RPL26L1: variants seen among roughly 807,000 people sequenced by gnomAD.
RPL26L1 encodes the protein ribosomal protein uL24-like.
A neutral mutation model predicts 15.2 loss-of-function variants in RPL26L1; 8 were observed. That is an observed-to-expected ratio of 0.53 (90% confidence interval 0.31 to 0.95). The LOEUF (loss-of-function observed/expected upper bound fraction) is 0.95, where lower values mean the gene tolerates loss of function less well. Among genes scored for constraint, RPL26L1 ranks in the 40% least tolerant of loss-of-function variants. The pLI is 0.05. For synonymous variants in RPL26L1, 51 were observed against 65.9 expected, an observed-to-expected ratio of 0.77 and a Z score of 1.09; for missense variants, 146 against 190.9, an observed-to-expected ratio of 0.76 and a Z score of 1.39.
At chr5:172,959,300 C>T (rs1755120241), upstream of RPL26L1, 1 of 930,974 alleles carries the variant, frequency 1.1e-6, no homozygotes, top group Non-Finnish European at 1.3e-6. Context: ...TGGCATCGCC[C>T]TCCCGGGGCC....
At chr5:172,959,731 TC>T in intron 1 of RPL26L1, 133 bp from the exon 2 acceptor site, 1 of 1,165,076 alleles carries the variant, frequency 8.6e-7, no homozygotes, top group East Asian at 2.4e-5. Flanking sequence ...CTCTCTGTCC[TC>T]CCTCAGTTGC....
chr5:172,954,495 G>C (rs958877674), upstream of RPL26L1, among the ~76,000 whole-genome samples: 4 of 151,396 alleles, frequency 2.6e-5, no homozygotes, highest in Non-Finnish European at 4.4e-5. Flanking sequence ...GGGGGGAAGT[G>C]GGGGGAGTGG....
At chr5:172,958,602 T>G, upstream of RPL26L1, 1 of 351,210 alleles carries the variant, frequency 2.8e-6, no homozygotes. Context: ...GGGGGCGTGG[T>G]TGATCTCCCT....
At chr5:172,959,829 G>GCGCCCCTTCATTCCGTCT (rs1755150250) in intron 1 of RPL26L1, 36 bp from the exon 2 acceptor site, 1 of 1,607,066 alleles carries the variant, frequency 6.2e-7, no homozygotes, top group Non-Finnish European at 8.5e-7. Flanking sequence ...AACCCACTGA[G>GCGCCCCTTCATTCCGTCT]CGCCCCTTCA....
At chr5:172,964,184 A>G (rs1329232778) in intron 2 of RPL26L1, among the ~76,000 whole-genome samples, 1 of 151,804 alleles carries the variant, frequency 6.6e-6, no homozygotes, top group East Asian at 1.9e-4. Flanking sequence ...TTTGCTGCCC[A>G]GGCTGGTCTC....
chr5:172,968,107 C>T (rs914696462), intron 2 of RPL26L1, among the ~76,000 whole-genome samples: 1 of 151,986 alleles, frequency 6.6e-6, no homozygotes, highest in African/African-American at 2.4e-5. Flanking sequence ...ATTCCAAAAT[C>T]CCAAAAACCC....
intron 3 of RPL26L1, 109 bp from the exon 4 acceptor site, chr5:172,969,294 CCAGAGTTTCA>C: frequency 9.7e-7 from 1 of 1,029,162 alleles, no homozygotes; most frequent in Non-Finnish European, 1.4e-6. Context: ...TGTTTTCCTT[CCAGAGTTTCA>C]GTTCCTTAAA....
chr5:172,955,003 C>T (rs1300315193), upstream of RPL26L1: 8 of 455,866 alleles, frequency 1.8e-5, no homozygotes, highest in Non-Finnish European at 3.5e-5. Flanking sequence ...AGACGTGCTT[C>T]GTGAGGAGAG....
chr5:172,958,255 ACT>A (rs2113516815), upstream of RPL26L1: 2 of 377,294 alleles, frequency 5.3e-6, no homozygotes, highest in Middle Eastern at 4.1e-4. Context: ...CAAGAGCGAA[ACT>A]CTATCTCAAA....
At chr5:172,954,585 GAA>G (rs1231036998), upstream of RPL26L1, among the ~76,000 whole-genome samples, 12 of 151,964 alleles carry the variant, frequency 7.9e-5, no homozygotes, top group East Asian at 5.8e-4. Flanking sequence ...AAAAAAGAGA[GAA>G]AGAGAGAGGG....
chr5:172,958,796 C>A (rs1033364045), upstream of RPL26L1: 11 of 182,302 alleles, frequency 6.0e-5, no homozygotes, highest in Non-Finnish European at 1.3e-4. Context: ...GCCAAGAGGG[C>A]CACAGGTGGG....
At chr5:172,967,835 CATAT>C (rs3860766) in intron 2 of RPL26L1, among the ~76,000 whole-genome samples, 2,281 of 151,116 alleles carry the variant, frequency 0.015, 27 homozygotes, top group South Asian at 0.038. Flanking sequence ...GTATGTATGA[CATAT>C]ATGTATGTTA....
intron 1 of RPL26L1, 107 bp downstream of exon 1, chr5:172,959,575 C>T: frequency 8.3e-7 from 1 of 1,200,114 alleles, no homozygotes; most frequent in South Asian, 1.7e-5. Flanking sequence ...CTTTGAGTGA[C>T]CTCCCGACCA....
At chr5:172,958,785 G>A (rs369860360), upstream of RPL26L1, 7 of 230,560 alleles carry the variant, frequency 3.0e-5, no homozygotes, top group East Asian at 1.9e-4. Flanking sequence ...CGGGCAGAAG[G>A]GCCAAGAGGG....
intron 2 of RPL26L1, among the ~76,000 whole-genome samples, chr5:172,963,686 C>A (rs1459917144): frequency 1.3e-5 from 2 of 152,168 alleles, no homozygotes; most frequent in African/African-American, 4.8e-5. Flanking sequence ...TTTATTTTTT[C>A]TTCGTAGCAG....
At chr5:172,958,572 G>T (rs1755076229), upstream of RPL26L1, 6 of 364,088 alleles carry the variant, frequency 1.6e-5, no homozygotes, top group South Asian at 1.2e-4. Flanking sequence ...TTCCTTCCCT[G>T]CCGCCACGGT....
intron 1 of RPL26L1, 79 bp downstream of exon 1, chr5:172,959,547 A>C (rs1424228287): frequency 8.8e-7 from 1 of 1,139,220 alleles, no homozygotes; most frequent in African/African-American, 1.6e-5. Flanking sequence ...GCGGGAACAC[A>C]TGTCACCCCA....
At chr5:172,966,313 A>ATTTTT (rs386405707) in intron 2 of RPL26L1, among the ~76,000 whole-genome samples, 708 of 63,658 alleles carry the variant, frequency 0.011, 72 homozygotes, top group East Asian at 0.02. Flanking sequence ...CTGGCTAACT[A>ATTTTT]TTTTTTTTTT....
At chr5:172,954,214 G>T (rs1056497376), upstream of RPL26L1, among the ~76,000 whole-genome samples, 2 of 152,132 alleles carry the variant, frequency 1.3e-5, no homozygotes, top group South Asian at 2.1e-4. Context: ...CTTGATTAAG[G>T]TGAGTTGTTA....
Sources: gnomAD v4.1 joint callset for allele counts (sites outside exome capture counted in the v4.1 genomes callset) on GRCh38, gnomAD v4.1.1 for gene constraint, MANE v1.5 for transcripts, NCBI Gene and HGNC (gene_info 2026-07-23, HGNC 2026-07-21) for gene names.